The following NOC3L variants were observed in gnomAD, a reference collection of about 807,000 sequenced individuals.
NOC3L encodes nucleolar complex protein 3 homolog.
NOC3L carries 85 observed loss-of-function variants against 102.5 expected under a neutral mutation model. The ratio of observed to expected loss-of-function variants is 0.83; its 90% confidence interval spans 0.70 to 0.99. The LOEUF is 0.99. Ranked by LOEUF, NOC3L falls within the 50% of genes least tolerant of loss-of-function variation. NOC3L has a pLI of 0.00. For missense variants in NOC3L, 878 were observed against 914.9 expected (o/e 0.96, Z 0.52); for synonymous variants, 303 against 309.4 (o/e 0.98, Z 0.22).
Position 94,357,261 on chromosome 10 carries a change from G to C in NOC3L, c.421C>G (p.Leu141Val), listed in dbSNP as rs376443483. The change falls in exon 4 of 21, where the codon CTG (leucine) becomes GTG (valine). Residue 141 changes from leucine to valine, a missense_variant. Coordinates refer to ENST00000371361, the MANE Select transcript of NOC3L (RefSeq NM_022451.11). ...AGTTCCTTCTCTGGTGCAGTTTGCAGAGTTCTTGGTATTTTTTCATATTTA... is the reference window on the plus strand; with the variant it reads ...AGTTCCTTCTCTGGTGCAGTTTGCACAGTTCTTGGTATTTTTTCATATTTA... ...IDKYEKIPRT[L>V]QTAPEKELIH... is the part of the protein sequence containing the mutation. The C allele has an allele frequency of 6.2e-7, 1 of 1,609,850 alleles. No individual in the cohort carries two copies. Among genetic ancestry groups the C allele is most frequent in the South Asian group, 1.1e-5 (1 of 90,164 alleles).
intron 10 of NOC3L, among the ~76,000 whole-genome samples, chr10:94,348,433 CACAA>C (rs1426651355): frequency 6.6e-6 from 1 of 151,902 alleles, no homozygotes; most frequent in Non-Finnish European, 1.5e-5. Flanking sequence ...ATGCAAGCTC[CACAA>C]ACAGATAGTT....
chr10:94,359,945 C>T (rs1040229384), intron 2 of NOC3L, among the ~76,000 whole-genome samples: 2 of 152,176 alleles, frequency 1.3e-5, no homozygotes, highest in African/African-American at 2.4e-5. Context: ...GATATCTGCA[C>T]TCCCATGTTC....
At chr10:94,322,169 G>A in the NOC3L span, 17 of 1,003,128 alleles carry the variant, frequency 1.7e-5, no homozygotes, top group African/African-American at 1.4e-4. Context: ...CAACAACAGG[G>A]ACCTCAAAGG....
chr10:94,325,251 A>T, the NOC3L span: 1 of 647,562 alleles, frequency 1.5e-6, no homozygotes, highest in Non-Finnish European at 2.8e-6. Flanking sequence ...AAACAGGAAA[A>T]GGGCTCTGAA....
At chr10:94,344,367 T>C in intron 13 of NOC3L, 48 bp downstream of exon 13, 1 of 1,291,114 alleles carries the variant, frequency 7.7e-7, no homozygotes, top group Non-Finnish European at 1.1e-6. Flanking sequence ...TCTTTGGTCT[T>C]TCCTATTTAG....
At chr10:94,328,631 T>C (rs1316177294), downstream of NOC3L, 2 of 152,214 alleles carry the variant, frequency 1.3e-5, no homozygotes, top group East Asian at 1.9e-4. Context: ...GGCCGAGAAT[T>C]AGAAGCTTAG....
chr10:94,349,873 C>G (rs1240810044), intron 9 of NOC3L, among the ~76,000 whole-genome samples: 1 of 152,126 alleles, frequency 6.6e-6, no homozygotes, highest in Non-Finnish European at 1.5e-5. Context: ...ATTCTCCTGC[C>G]TCAGCCTCCC....
intron 6 of NOC3L, among the ~76,000 whole-genome samples, chr10:94,354,465 A>G (rs1361960688): frequency 6.6e-6 from 1 of 152,214 alleles, no homozygotes; most frequent in African/African-American, 2.4e-5. Flanking sequence ...TCTCTAGTTC[A>G]TGTGTTATAA....
the NOC3L span, chr10:94,325,298 A>G: frequency 3.7e-6 from 2 of 541,100 alleles, no homozygotes; most frequent in Non-Finnish European, 6.6e-6. Flanking sequence ...AACACCGCCT[A>G]TAAAGAAAAA....
At position 94,358,176 on chromosome 10, in the gene NOC3L, G is replaced by C; in HGVS notation, c.257C>G (p.Ala86Gly). ...TTCATCCATCATATCTAAAGGAAGG[G>C]CTTCTTCTTCTTCCTCTTCTTCCCT... ...IEREEEEEEE[A>G]LPLDMMDEDD... is the part of the protein sequence containing the mutation. The change falls in exon 3 of 21, where the codon GCC becomes GGC. Residue 86 changes from alanine (A) to glycine (G), a missense_variant. Coordinates refer to ENST00000371361, the MANE Select transcript of NOC3L (RefSeq NM_022451.11). The C allele has an allele frequency of 6.2e-7, 1 of 1,606,334 alleles. No homozygotes were observed. The highest frequency in any genetic ancestry group is 8.5e-7 in the Non-Finnish European group (1 of 1,174,902).
intron 9 of NOC3L, 131 bp downstream of exon 9, chr10:94,349,982 T>A: frequency 2.7e-6 from 2 of 736,078 alleles, no homozygotes; most frequent in Non-Finnish European, 4.5e-6. Context: ...GTGGTCTCGA[T>A]CTCCTGACCT....
the NOC3L span, among the ~76,000 whole-genome samples, chr10:94,319,298 T>C: frequency 0.011 from 1,726 of 152,298 alleles, 48 homozygotes; most frequent in African/African-American, 0.04. Flanking sequence ...TGGTGCATAG[T>C]GATACCCAAA....
chr10:94,336,017 T>C (rs116407827), intron 19 of NOC3L, among the ~76,000 whole-genome samples: 1 of 152,296 alleles, frequency 6.6e-6, no homozygotes, highest in African/African-American at 2.4e-5. Context: ...TGCCTACTAG[T>C]GTTCCATTAT....
At chr10:94,352,835 C>T in intron 7 of NOC3L, 61 bp downstream of exon 7, 1 of 1,457,646 alleles carries the variant, frequency 6.9e-7, no homozygotes, top group Non-Finnish European at 9.4e-7. Context: ...AAAAAAAAGT[C>T]TATCTCTCCA....
the NOC3L span, among the ~76,000 whole-genome samples, chr10:94,315,823 C>T: frequency 2.0e-5 from 3 of 151,174 alleles, no homozygotes; most frequent in Admixed American, 2.0e-4. Flanking sequence ...ATTGAGTTCA[C>T]CTAATGTACC....
chr10:94,339,270 T>G (rs2054255408), intron 17 of NOC3L, among the ~76,000 whole-genome samples: 1 of 152,198 alleles, frequency 6.6e-6, no homozygotes, highest in South Asian at 2.1e-4. Context: ...AAAATTAAAT[T>G]TTTGTAAGGC....
chr10:94,352,758 G>T (rs2054435146), intron 7 of NOC3L, 138 bp downstream of exon 7: 1 of 696,092 alleles, frequency 1.4e-6, no homozygotes, highest in Non-Finnish European at 2.4e-6. Context: ...GAAGGCAGAG[G>T]TTGCAGTGAG....
At position 94,339,771 on chromosome 10, in the gene NOC3L, C is replaced by T; in HGVS notation, c.1930G>A (p.Gly644Ser). 6.2e-7 allele frequency: 1 copy of T among 1,613,790 alleles called. No individual in the cohort carries two copies. Among genetic ancestry groups the T allele is most frequent in the African/African-American group, 1.3e-5 (1 of 74,992 alleles). Residue 644 changes from glycine (G) to serine (S), a missense_variant, in exon 17 of 21, where the codon GGC (glycine) becomes AGC (serine). Coordinates refer to ENST00000371361, the MANE Select transcript of NOC3L (RefSeq NM_022451.11). ...AATATTCTGGTAGTTGCTAAAATGC[C>T]AATACTTGAATTTGGAAGAACATGA... Reference protein sequence around the residue: ...ALHVLPNSSIGILATTRILMH... With the variant: ...ALHVLPNSSISILATTRILMH...
At chr10:94,325,504 A>C in the NOC3L span, 1 of 193,522 alleles carries the variant, frequency 5.2e-6, no homozygotes, top group Non-Finnish European at 1.1e-5. Flanking sequence ...CTGAGGCAGG[A>C]GAATCACTTG....
Sources: allele counts gnomAD v4.1 joint callset (sites outside exome capture counted in the v4.1 genomes callset), GRCh38; gene constraint gnomAD v4.1.1; transcripts MANE v1.5; gene names NCBI Gene and HGNC (gene_info 2026-07-23, HGNC 2026-07-21).